The following PWWP3A variants were observed in gnomAD, a reference collection of about 807,000 sequenced individuals.
PWWP3A encodes the protein PWWP domain containing 3A, DNA repair factor.
A neutral mutation model predicts 79.0 loss-of-function variants in PWWP3A; 53 were observed. The observed-to-expected ratio is 0.67, with a 90% CI of 0.54 to 0.84. The LOEUF (loss-of-function observed/expected upper bound fraction) is 0.84, where lower values mean the gene tolerates loss of function less well. Among genes scored for constraint, PWWP3A ranks in the 40% least tolerant of loss-of-function variants. The pLI is 0.00. For missense variants in PWWP3A, 973 were observed against 948.0 expected, an observed-to-expected ratio of 1.03 and a Z score of -0.35; for synonymous variants, 443 against 394.4, an observed-to-expected ratio of 1.12 and a Z score of -1.46.
Position 1,366,328 on chromosome 19 carries a change from TAAG to T in PWWP3A, c.1311_1313del (p.Lys438del). 1.2e-6 allele frequency: 2 copies of T among 1,614,184 alleles called. No individual in the cohort carries two copies. The highest frequency in any genetic ancestry group is 1.7e-6 in the Non-Finnish European group (2 of 1,180,010). On this transcript the variant is annotated inframe_deletion, in exon 8 of 14. Transcript: ENST00000591337. ...AGGTCAAAAGCGTCAGGCAGAGAGA[TAAG>T]AAAGCAAGTGTGCTATACATCGAAG...
intron 9 of PWWP3A, among the ~76,000 whole-genome samples, chr19:1,367,906 C>T (rs1464948198): frequency 1.3e-5 from 2 of 152,334 alleles, no homozygotes; most frequent in Non-Finnish European, 1.5e-5. Context: ...GTCTTTTCCA[C>T]TCTCAGGGAT....
intron 4 of PWWP3A, chr19:1,358,927 G>C (rs1315374510): frequency 2.8e-6 from 1 of 352,450 alleles, no homozygotes; most frequent in Admixed American, 3.6e-5. Flanking sequence ...AGAACGGGTG[G>C]CCTGGCACTG....
In PWWP3A at chr19:1,369,248, CCCGGATCT is replaced by C; in HGVS notation, c.1423-15_1423-8del. Reference sequence around the variant, plus strand: ...CACTGCCTCCCACTGACGCCTGCTGCCCGGATCTCATTGTAGAATCAAGCCAGGGAGGA... The same window carrying C: ...CACTGCCTCCCACTGACGCCTGCTGCCATTGTAGAATCAAGCCAGGGAGGA... On this transcript the variant is annotated splice_polypyrimidine_tract_variant and intron_variant, in intron 9 of 13. Coordinates refer to ENST00000591337, the MANE Select transcript of PWWP3A (RefSeq NM_001369789.1). The surrounding 1 kb of genome is among the most constrained non-coding windows in gnomAD (Gnocchi z 4.0). 6.2e-7 allele frequency: 1 copy of C among 1,613,720 alleles called. No homozygotes were observed. The highest frequency in any genetic ancestry group is 1.7e-5 in the Admixed American group (1 of 60,016).
rs889215565 is a variant in PWWP3A, at chr19:1,360,928, C to T, written c.1007C>T (p.Ser336Phe). The T allele has an allele frequency of 2.6e-6, 4 of 1,534,592 alleles. No homozygotes were observed. The change falls in exon 5 of 14, where the codon TCT becomes TTT. Residue 336 changes from serine to phenylalanine, a missense_variant. By Grantham distance (155) the Ser-to-Phe change is radical. Coordinates refer to ENST00000591337, the MANE Select transcript of PWWP3A (RefSeq NM_001369789.1). This position sits in a 1 kb window ranked among gnomAD's most constrained non-coding sequence, Gnocchi z 4.4. ...GGGCCGGGGCCAGGGCCCAGAGAGT[C>T]TGTGACCCCGCGCAGCACCGCCAGG... The part of the protein sequence containing the change: ...SPGPGPGPRE[S>F]VTPRSTARLG...
intron 8 of PWWP3A, 106 bp downstream of exon 8, chr19:1,366,487 C>A: frequency 9.9e-7 from 1 of 1,007,118 alleles, no homozygotes; most frequent in Non-Finnish European, 1.6e-6. Flanking sequence ...GAGGCCCCGG[C>A]AGGAGTCCAG....
rs929652634 is a variant in PWWP3A, at chr19:1,370,077, A to C, written c.1549+431A>C. On this transcript the variant is annotated intron_variant, in intron 11 of 13. Transcript: ENST00000591337. ...AGACCCCATCTCTACAGAAAAATAGAAAAAAATGAGCTGGGCGTGTGGCTT... is the reference window on the plus strand; with the variant it reads ...AGACCCCATCTCTACAGAAAAATAGCAAAAAATGAGCTGGGCGTGTGGCTT... 2.8e-4 allele frequency among the ~76,000 whole-genome samples: 43 copies of C among 152,266 alleles called. 1 individual carries two copies. Among genetic ancestry groups the C allele is most frequent in the African/African-American group, 1.0e-3 (43 of 41,554 alleles).
Position 1,368,516 on chromosome 19 carries a change from C to A in PWWP3A, c.1423-749C>A, listed in dbSNP as rs868181356. On this transcript the variant is annotated intron_variant, in intron 9 of 13. Coordinates refer to ENST00000591337, the MANE Select transcript of PWWP3A (RefSeq NM_001369789.1). The surrounding 1 kb of genome is among the most constrained non-coding windows in gnomAD (Gnocchi z 4.7). ...GGGCTGCTGGGCAGGCAGAGAGCGG[C>A]GTCCACCCGGCCCTGGGATGTGCTT... 6.6e-6 allele frequency among the ~76,000 whole-genome samples: 1 copy of A among 152,100 alleles called. No individual in the cohort carries two copies. Among genetic ancestry groups the A allele is most frequent in the African/African-American group, 2.4e-5 (1 of 41,386 alleles).
At chr19:1,356,941 A>C (rs1226962203) in intron 2 of PWWP3A, 68 bp from the exon 3 acceptor site, 2 of 1,293,088 alleles carry the variant, frequency 1.5e-6, no homozygotes, top group Admixed American at 3.8e-5. Context: ...CATTTGTGCT[A>C]AAGTTTGCCA....
At chr19:1,372,301 A>T (rs944073008) in intron 12 of PWWP3A, 7 of 152,346 alleles carry the variant, frequency 4.6e-5, no homozygotes, top group African/African-American at 1.7e-4. Flanking sequence ...CTCAGAGAAC[A>T]GTCTGGCCCC....
intron 7 of PWWP3A, among the ~76,000 whole-genome samples, chr19:1,365,799 G>A (rs1348111455): frequency 1.3e-5 from 2 of 152,372 alleles, no homozygotes; most frequent in African/African-American, 2.4e-5. Context: ...AGCGCAGGGC[G>A]GAAGGGCCAT....
rs145541401 is a variant in PWWP3A at position 1,358,774 on chromosome 19, G to T, written c.214+310G>T. On this transcript the variant is annotated intron_variant, in intron 4 of 13. Coordinates refer to ENST00000591337, the MANE Select transcript of PWWP3A (RefSeq NM_001369789.1). ...CGAGGAAGGACTTTGCTGCCATAAG[G>T]GGGGAGGTCCTCCTTTTTCCTTTCC... The T allele has an allele frequency of 2.8e-3, 2,652 of 947,012 alleles. 68 individuals are homozygous for T. In the South Asian group the frequency reaches 0.035, roughly 12 times the overall value. 58.7% of individuals were successfully genotyped at this position (947,012 alleles called of 1,614,324 possible).
chr19:1,361,139 A>T, intron 5 of PWWP3A, 107 bp downstream of exon 5: 4 of 1,144,098 alleles, frequency 3.5e-6, no homozygotes, highest in Admixed American at 3.8e-5. Context: ...TTTTAATGAG[A>T]TCGTTGCCAA....
At chr19:1,371,155 G>A (rs1251794446) in intron 12 of PWWP3A, 77 bp downstream of exon 12, 1 of 1,486,602 alleles carries the variant, frequency 6.7e-7, no homozygotes, top group Non-Finnish European at 9.1e-7. Flanking sequence ...CGAGGAGGCT[G>A]CCACGGTCCT....
At chr19:1,374,226 G>T (rs184227435) in intron 13 of PWWP3A, 3 of 151,974 alleles carry the variant, frequency 2.0e-5, no homozygotes, top group African/African-American at 7.3e-5. Context: ...ATCAAAACCC[G>T]TTAGGAGTTC....
In PWWP3A at chr19:1,367,445, C is replaced by T. The variant is rs547175889; in HGVS notation, c.1422+225C>T. Among the ~76,000 whole-genome samples, 27 of 152,352 alleles carry T rather than the reference C, an allele frequency of 1.8e-4. No individual in the cohort carries two copies. The South Asian group carries it at 3.9e-3, about 22-fold the overall frequency. On this transcript the variant is annotated intron_variant, in intron 9 of 13. Transcript: ENST00000591337. ...CTGGGAAGTTGCGGCCCCATTTCCC[C>T]GCTTTACGGGTAAGGAAGCTGGGGC... is the stretch of plus-strand genomic sequence containing the variant.
Position 1,366,439 on chromosome 19 carries a change from C to G in PWWP3A, c.1361+58C>G. ...CCTGAGGGGCCAGGCCGGCCGCTCT[C>G]AGAGTCAGAGCGGGCGTGGGGATGG... On this transcript the variant is annotated intron_variant, in intron 8 of 13. Transcript: ENST00000591337. 3.3e-6 allele frequency: 5 copies of G among 1,492,686 alleles called. 1 individual carries two copies. In the South Asian group the frequency reaches 5.7e-5, roughly 17 times the overall value. 92.5% of individuals were successfully genotyped at this position (1,492,686 alleles called of 1,614,324 possible). A position where few individuals can be genotyped will look rare whatever the true frequency, so the allele number is the denominator to read the frequency against.
At position 1,369,414 on chromosome 19, in the gene PWWP3A, G is replaced by C; in HGVS notation, c.1498+74G>C. On this transcript the variant is annotated intron_variant, in intron 10 of 13. Transcript: ENST00000591337. The surrounding 1 kb of genome is among the most constrained non-coding windows in gnomAD (Gnocchi z 4.0). ...CTCTGAAGACCCCTTGGACGGGCTG[G>C]GCCGGAGCTGCCTGGAGGCGGGGCA... is the stretch of plus-strand genomic sequence containing the variant. The C allele has an allele frequency of 1.9e-6, 3 of 1,560,774 alleles. No individual in the cohort carries two copies. Among genetic ancestry groups the C allele is most frequent in the Non-Finnish European group, 2.6e-6 (3 of 1,134,154 alleles).
At chr19:1,359,940 G>A (rs995238961) in intron 4 of PWWP3A, 196 bp from the exon 5 acceptor site, 7 of 513,158 alleles carry the variant, frequency 1.4e-5, no homozygotes, top group Middle Eastern at 5.1e-4. Flanking sequence ...CTCGAATCCC[G>A]GAATGAATAG....
intron 8 of PWWP3A, 74 bp from the exon 9 acceptor site, chr19:1,367,086 C>T (rs2082145471): frequency 4.0e-6 from 5 of 1,252,944 alleles, no homozygotes; most frequent in Non-Finnish European, 5.7e-6. Flanking sequence ...TGATCTTAAT[C>T]AGAGACAGGG....
Sources: gnomAD v4.1 joint callset for allele counts (sites outside exome capture counted in the v4.1 genomes callset) on GRCh38, gnomAD v4.1.1 for gene constraint, Gnocchi (gnomAD v3.1) non-coding constraint, MANE v1.5 for transcripts, NCBI Gene and HGNC (gene_info 2026-07-23, HGNC 2026-07-21) for gene names.